Variants in SAMD5 observed in about 807,000 individuals in gnomAD.
SAMD5 encodes the protein sterile alpha motif domain-containing protein 5.
A neutral mutation model predicts 11.3 loss-of-function variants in SAMD5; 13 were observed. The ratio of observed to expected loss-of-function variants is 1.15; its 90% confidence interval spans 0.75 to 1.83. The LOEUF is 1.83. Ranked by LOEUF, SAMD5 falls within the 40% of genes most tolerant of loss-of-function variation. The pLI, the probability that SAMD5 is intolerant of heterozygous loss-of-function variation, is 0.00. For synonymous variants in SAMD5, 129 were observed against 111.3 expected (o/e 1.16, Z -1.00); for missense variants, 255 against 239.1 (o/e 1.07, Z -0.44).
the SAMD5 span, among the ~76,000 whole-genome samples, chr6:147,857,394 C>A: frequency 6.6e-6 from 1 of 151,490 alleles, no homozygotes; most frequent in Non-Finnish European, 1.5e-5. Flanking sequence ...GTAGTCCTAG[C>A]TATTCCAGTG....
chr6:147,897,684 C>T, the SAMD5 span, among the ~76,000 whole-genome samples: 1 of 152,068 alleles, frequency 6.6e-6, no homozygotes, highest in Non-Finnish European at 1.5e-5. Context: ...GGGGCTCACA[C>T]CTGTAATCCC....
At chr6:147,822,978 C>A in the SAMD5 span, among the ~76,000 whole-genome samples, 1 of 133,418 alleles carries the variant, frequency 7.5e-6, no homozygotes, top group Non-Finnish European at 1.6e-5. Flanking sequence ...CTGCACCCGG[C>A]TAATTTTTTT....
chr6:147,879,834 T>C, the SAMD5 span, among the ~76,000 whole-genome samples: 3,878 of 152,286 alleles, frequency 0.025, 53 homozygotes, highest in African/African-American at 0.034. Context: ...TAAATATAAA[T>C]TAGCTTGTTC....
intron 1 of SAMD5, among the ~76,000 whole-genome samples, chr6:147,590,522 C>T (rs531227777): frequency 1.3e-5 from 2 of 152,192 alleles, no homozygotes; most frequent in African/African-American, 4.8e-5. Context: ...AAGCAATCCT[C>T]CCACCTCGGC....
chr6:147,633,202 C>A (rs950280835), intron 1 of SAMD5, among the ~76,000 whole-genome samples: 23 of 152,126 alleles, frequency 1.5e-4, no homozygotes, highest in African/African-American at 5.6e-4. Flanking sequence ...ATACAGCATT[C>A]CAGAAGCAAA....
chr6:147,937,455 T>C, the SAMD5 span, among the ~76,000 whole-genome samples: 2 of 152,202 alleles, frequency 1.3e-5, no homozygotes, highest in Admixed American at 6.5e-5. Flanking sequence ...CCAACTTAGA[T>C]AGGGACTCTC....
chr6:147,617,641 T>C (rs1008108257), intron 1 of SAMD5, among the ~76,000 whole-genome samples: 3 of 152,222 alleles, frequency 2.0e-5, no homozygotes, highest in African/African-American at 7.2e-5. Flanking sequence ...CTGGGTTACA[T>C]TAGCTTATGG....
intron 1 of SAMD5, among the ~76,000 whole-genome samples, chr6:147,522,258 A>C (rs1788266362): frequency 6.6e-6 from 1 of 152,052 alleles, no homozygotes; most frequent in African/African-American, 2.4e-5. Context: ...TATTCTTATA[A>C]TTTTCCCAAT....
intron 1 of SAMD5, among the ~76,000 whole-genome samples, chr6:147,693,161 G>A (rs1791127678): frequency 6.6e-6 from 1 of 152,208 alleles, no homozygotes; most frequent in Non-Finnish European, 1.5e-5. Flanking sequence ...CACCTGTCTG[G>A]ACTACACTGG....
the SAMD5 span, among the ~76,000 whole-genome samples, chr6:147,817,794 C>T: frequency 6.6e-6 from 1 of 152,160 alleles, no homozygotes; most frequent in Admixed American, 6.5e-5. Context: ...TCAATTTTCA[C>T]ATAGCAAGAG....
At chr6:147,792,826 A>G in the SAMD5 span, among the ~76,000 whole-genome samples, 2 of 152,224 alleles carry the variant, frequency 1.3e-5, no homozygotes, top group Non-Finnish European at 2.9e-5. Context: ...AGTGCTCCCA[A>G]TGGCTGACAC....
At chr6:147,726,029 A>G (rs1791621959) in intron 1 of SAMD5, among the ~76,000 whole-genome samples, 1 of 152,262 alleles carries the variant, frequency 6.6e-6, no homozygotes, top group African/African-American at 2.4e-5. Context: ...TAGATAAAAT[A>G]ACGAAATTAC....
At chr6:147,702,230 G>A (rs113648384) in intron 1 of SAMD5, among the ~76,000 whole-genome samples, 8,603 of 152,134 alleles carry the variant, frequency 0.057, 539 homozygotes, top group African/African-American at 0.15. Flanking sequence ...GGAAAGACCC[G>A]CCCCCATGAT....
chr6:147,803,030 T>G, the SAMD5 span, among the ~76,000 whole-genome samples: 1 of 152,360 alleles, frequency 6.6e-6, no homozygotes, highest in African/African-American at 2.4e-5. Context: ...TCACTGTATG[T>G]AAATCATATT....
At position 147,623,028 on chromosome 6, in the gene SAMD5, C is replaced by A. The variant is rs1330362256; in HGVS notation, c.162+113641C>A. Among the ~76,000 whole-genome samples the A allele has an allele frequency of 2.0e-5, 3 of 152,184 alleles. No individual in the cohort carries two copies. In the East Asian group the frequency reaches 5.8e-4, roughly 29 times the overall value. Reference sequence around the variant, plus strand: ...ATTACCTCCCACCAGGTCCCTCCCACAACACATGGGAATTATGGAAGCTAC... The same window carrying A: ...ATTACCTCCCACCAGGTCCCTCCCAAAACACATGGGAATTATGGAAGCTAC... On this transcript the variant is annotated intron_variant, in intron 1 of 1. Coordinates refer to the SAMD5 transcript ENST00000566741.
downstream of SAMD5, among the ~76,000 whole-genome samples, chr6:147,572,805 C>A (rs772113157): frequency 1.3e-5 from 2 of 152,148 alleles, no homozygotes; most frequent in Non-Finnish European, 2.9e-5. Context: ...ATGTGTCTTG[C>A]ACAAACCCTA....
At chr6:147,611,830 C>G (rs1010172373) in intron 1 of SAMD5, among the ~76,000 whole-genome samples, 1 of 152,108 alleles carries the variant, frequency 6.6e-6, no homozygotes, top group Non-Finnish European at 1.5e-5. Context: ...TGCCTAGAAC[C>G]CTGGTTGCAG....
At chr6:147,604,256 T>G (rs1415336648) in intron 1 of SAMD5, among the ~76,000 whole-genome samples, 1 of 151,986 alleles carries the variant, frequency 6.6e-6, no homozygotes, top group African/African-American at 2.4e-5. Flanking sequence ...AACTTATGAC[T>G]TGAGTTATTC....
chr6:147,717,109 C>T (rs1791479409), intron 1 of SAMD5, among the ~76,000 whole-genome samples: 1 of 152,282 alleles, frequency 6.6e-6, no homozygotes, highest in Non-Finnish European at 1.5e-5. Context: ...TTGCATGATC[C>T]ACCTTGCTAA....
Sources: gnomAD v4.1 joint callset for allele counts (sites outside exome capture counted in the v4.1 genomes callset) on GRCh38, gnomAD v4.1.1 for gene constraint, MANE v1.5 for transcripts, NCBI Gene and HGNC (gene_info 2026-07-23, HGNC 2026-07-21) for gene names.